The following CNTN4 variants were observed in gnomAD, a reference collection of about 807,000 sequenced individuals.
The protein encoded by CNTN4 is contactin-4.
CNTN4 carries 77 observed loss-of-function variants against 122.5 expected under a neutral mutation model. The observed-to-expected ratio is 0.63, with a 90% CI of 0.52 to 0.76. The LOEUF (loss-of-function observed/expected upper bound fraction) is 0.76. Among genes scored for constraint, CNTN4 ranks in the 30% least tolerant of loss-of-function variants. The pLI, the probability that CNTN4 is intolerant of heterozygous loss-of-function variation, is 0.00. For missense variants in CNTN4, 1,256 were observed against 1,259.1 expected, an observed-to-expected ratio of 1.00 and a Z score of 0.04; for synonymous variants, 512 against 447.0, an observed-to-expected ratio of 1.15 and a Z score of -1.83.
intron 3 of CNTN4, among the ~76,000 whole-genome samples, chr3:2,432,692 A>G (rs1180754823): frequency 6.6e-6 from 1 of 151,990 alleles, no homozygotes; most frequent in African/African-American, 2.4e-5. Flanking sequence ...GTATATATAT[A>G]CCACATTTTC....
chr3:2,655,692 T>C (rs953073723), intron 4 of CNTN4, among the ~76,000 whole-genome samples: 1 of 152,122 alleles, frequency 6.6e-6, no homozygotes, highest in Non-Finnish European at 1.5e-5. Context: ...GGAGTCATAA[T>C]AACTTAAAGC....
intron 3 of CNTN4, among the ~76,000 whole-genome samples, chr3:2,427,733 T>A (rs879722101): frequency 6.6e-6 from 1 of 151,992 alleles, no homozygotes; most frequent in Non-Finnish European, 1.5e-5. Flanking sequence ...CTTTAAGGAC[T>A]TGCTTTATGA....
intron 3 of CNTN4, among the ~76,000 whole-genome samples, chr3:2,447,213 C>T (rs533382870): frequency 4.1e-4 from 62 of 152,116 alleles, no homozygotes; most frequent in African/African-American, 1.4e-3. Context: ...TCCCAGTACC[C>T]CACCTCCCTC....
chr3:2,395,326 T>C (rs1190116736), intron 3 of CNTN4, among the ~76,000 whole-genome samples: 1 of 152,118 alleles, frequency 6.6e-6, no homozygotes, highest in African/African-American at 2.4e-5. Flanking sequence ...GTGTAATAAA[T>C]GAGGTAAGCC....
intron 6 of CNTN4, among the ~76,000 whole-genome samples, chr3:2,755,146 T>A (rs950211867): frequency 2.0e-5 from 3 of 152,188 alleles, no homozygotes; most frequent in African/African-American, 7.2e-5. Context: ...GCTTTTAATA[T>A]CTAATAACTA....
intron 6 of CNTN4, among the ~76,000 whole-genome samples, chr3:2,786,652 A>G (rs2091844547): frequency 6.6e-6 from 1 of 152,208 alleles, no homozygotes; most frequent in African/African-American, 2.4e-5. Context: ...ATCAAAACCC[A>G]TCTCTATCAT....
intron 10 of CNTN4, among the ~76,000 whole-genome samples, chr3:2,895,851 G>C (rs189917671): frequency 6.6e-6 from 1 of 152,102 alleles, no homozygotes; most frequent in Non-Finnish European, 1.5e-5. Context: ...TGGCTAACAG[G>C]GTGAAACCCC....
At chr3:2,649,724 A>G (rs1008562556) in intron 4 of CNTN4, among the ~76,000 whole-genome samples, 3 of 152,140 alleles carry the variant, frequency 2.0e-5, no homozygotes, top group Admixed American at 6.6e-5. Flanking sequence ...GTCTTATTTA[A>G]GAAATGCATT....
At chr3:2,806,126 C>T (rs112585043) in intron 6 of CNTN4, among the ~76,000 whole-genome samples, 18,523 of 152,134 alleles carry the variant, frequency 0.12, 1,176 homozygotes, top group South Asian at 0.15. Flanking sequence ...TGGTGTCGAT[C>T]TCCTGACCTC....
At chr3:2,568,634 G>C (rs1225207902) in intron 3 of CNTN4, among the ~76,000 whole-genome samples, 1 of 152,134 alleles carries the variant, frequency 6.6e-6, no homozygotes, top group African/African-American at 2.4e-5. Context: ...TCCTGCACCA[G>C]AGTCCCACGT....
chr3:2,595,327 T>A (rs114303290), intron 4 of CNTN4, among the ~76,000 whole-genome samples: 3,857 of 152,328 alleles, frequency 0.025, 64 homozygotes, highest in Non-Finnish European at 0.037. Context: ...TGAGTCTGCA[T>A]GTATTAATAG....
chr3:2,146,702 C>G (rs543536416), intron 2 of CNTN4, among the ~76,000 whole-genome samples: 1 of 152,234 alleles, frequency 6.6e-6, no homozygotes, highest in African/African-American at 2.4e-5. Flanking sequence ...TATGACTCTT[C>G]AGACAGAGAG....
chr3:3,003,627 G>T (rs1477034582), intron 14 of CNTN4, among the ~76,000 whole-genome samples: 1 of 144,768 alleles, frequency 6.9e-6, no homozygotes, highest in Non-Finnish European at 1.5e-5. Flanking sequence ...ATAAGTACAG[G>T]GCTTCTTTTG....
intron 15 of CNTN4, among the ~76,000 whole-genome samples, chr3:3,028,940 C>G (rs369040818): frequency 6.6e-6 from 1 of 152,060 alleles, no homozygotes; most frequent in Non-Finnish European, 1.5e-5. Context: ...ACTGACTTGT[C>G]ATATACTCGG....
chr3:2,283,888 TA>T (rs571604241), intron 2 of CNTN4, among the ~76,000 whole-genome samples: 67 of 152,220 alleles, frequency 4.4e-4, no homozygotes, highest in Non-Finnish European at 4.0e-4. Context: ...CTACAAAAGC[TA>T]AAAAAGCATA....
intron 3 of CNTN4, among the ~76,000 whole-genome samples, chr3:2,464,852 C>T (rs1220786989): frequency 1.3e-5 from 2 of 152,188 alleles, no homozygotes; most frequent in Non-Finnish European, 2.9e-5. Context: ...GAATCTCCTT[C>T]CCTGGCATGT....
In CNTN4 at chr3:2,307,462, A is replaced by G. The variant is rs145747020; in HGVS notation, c.-144-31716A>G. On this transcript the variant is annotated intron_variant, in intron 2 of 24. Coordinates refer to ENST00000418658, the MANE Select transcript of CNTN4 (RefSeq NM_175607.3). ...AAAAAAAAAAAAAAATAGCAAGACA[A>G]CCATTCTTGTCTTCTTTTTGATCTC... Among the ~76,000 whole-genome samples, 366 of 151,768 alleles carry G rather than the reference A, an allele frequency of 2.4e-3. 1 individual carries two copies. Among genetic ancestry groups the G allele is most frequent in the South Asian group, 0.014 (66 of 4,802 alleles).
intron 13 of CNTN4, among the ~76,000 whole-genome samples, chr3:2,954,049 A>G (rs2094773838): frequency 6.6e-6 from 1 of 152,220 alleles, no homozygotes; most frequent in Admixed American, 6.5e-5. Flanking sequence ...TAATTCCCAA[A>G]TCAACTTTTC....
Position 2,684,738 on chromosome 3 carries a change from A to G in CNTN4, c.56-51477A>G, listed in dbSNP as rs184873834. ...TCAAAGTACTTACATAAGCTTCAAC[A>G]TTTTTTCCTTGTCTATGGTCATATT... On this transcript the variant is annotated intron_variant, in intron 4 of 24. Coordinates refer to ENST00000418658, the MANE Select transcript of CNTN4 (RefSeq NM_175607.3). 1.5e-3 allele frequency among the ~76,000 whole-genome samples: 235 copies of G among 152,218 alleles called. 2 individuals are homozygous for G. The highest frequency in any genetic ancestry group is 5.4e-3 in the African/African-American group (223 of 41,550).
Sources: allele counts gnomAD v4.1 joint callset (sites outside exome capture counted in the v4.1 genomes callset), GRCh38; gene constraint gnomAD v4.1.1; transcripts MANE v1.5; gene names NCBI Gene and HGNC (gene_info 2026-07-23, HGNC 2026-07-21).